The following GNAQ variants were observed in gnomAD, a reference collection of about 807,000 sequenced individuals.
GNAQ encodes G protein subunit alpha q.
In GNAQ, 8 loss-of-function variants were observed where a neutral mutation model predicts 43.9. That is an observed-to-expected ratio of 0.18 (90% confidence interval 0.11 to 0.33). The LOEUF is 0.33. Ranked by LOEUF, GNAQ falls within the 10% of genes least tolerant of loss-of-function variation. The pLI, the probability that GNAQ is intolerant of heterozygous loss-of-function variation, is 1.00. For missense variants in GNAQ, 158 were observed against 450.8 expected, an observed-to-expected ratio of 0.35 and a Z score of 5.88; for synonymous variants, 155 against 170.7, an observed-to-expected ratio of 0.91 and a Z score of 0.71.
chr9:77,865,550 AACC>A (rs1190401213), intron 2 of GNAQ, among the ~76,000 whole-genome samples: 4 of 152,216 alleles, frequency 2.6e-5, no homozygotes, highest in Non-Finnish European at 4.4e-5. Flanking sequence ...CAGCATCACC[AACC>A]ACGTGACAAA....
At chr9:77,871,039 T>C (rs1255793268) in intron 2 of GNAQ, among the ~76,000 whole-genome samples, 2 of 152,206 alleles carry the variant, frequency 1.3e-5, no homozygotes, top group Non-Finnish European at 2.9e-5. Context: ...GGTGGGTGCA[T>C]GGTTCATACA....
At chr9:77,945,940 A>C (rs1257518312) in intron 1 of GNAQ, among the ~76,000 whole-genome samples, 1 of 152,196 alleles carries the variant, frequency 6.6e-6, no homozygotes, top group Non-Finnish European at 1.5e-5. Flanking sequence ...ACTACTTATA[A>C]GGTTGCCACA....
intron 5 of GNAQ, among the ~76,000 whole-genome samples, chr9:77,739,507 T>A (rs767720903): frequency 4.6e-5 from 7 of 152,142 alleles, no homozygotes; most frequent in Non-Finnish European, 8.8e-5. Context: ...AAAGAAGTTA[T>A]TAAGAGAATG....
intron 6 of GNAQ, among the ~76,000 whole-genome samples, chr9:77,725,232 A>T (rs1359242237): frequency 6.6e-6 from 1 of 152,220 alleles, no homozygotes; most frequent in South Asian, 2.1e-4. Context: ...TCACAGCAGG[A>T]GCAGAATTCC....
At chr9:77,974,740 A>G (rs1431750314) in intron 1 of GNAQ, among the ~76,000 whole-genome samples, 6 of 152,222 alleles carry the variant, frequency 3.9e-5, no homozygotes, top group African/African-American at 1.4e-4. Context: ...TAATGAAAAA[A>G]TATGCAAAGG....
chr9:77,783,354 C>T (rs1020823366), intron 5 of GNAQ, among the ~76,000 whole-genome samples: 16 of 152,178 alleles, frequency 1.1e-4, no homozygotes, highest in African/African-American at 3.9e-4. Flanking sequence ...AATGACTGTA[C>T]ATTTCTGTGA....
intron 2 of GNAQ, among the ~76,000 whole-genome samples, chr9:77,833,755 C>T (rs1017706925): frequency 4.6e-5 from 7 of 152,152 alleles, no homozygotes; most frequent in Non-Finnish European, 8.8e-5. Context: ...CATATACACA[C>T]CTTTTTTTAT....
intron 1 of GNAQ, among the ~76,000 whole-genome samples, chr9:78,025,979 T>C (rs1823974519): frequency 6.6e-6 from 1 of 152,164 alleles, no homozygotes; most frequent in Non-Finnish European, 1.5e-5. Context: ...AAAAAATTCA[T>C]GGGTAATAAA....
chr9:78,015,548 T>C (rs571300363), intron 1 of GNAQ, among the ~76,000 whole-genome samples: 142 of 152,312 alleles, frequency 9.3e-4, no homozygotes, highest in Non-Finnish European at 1.7e-3. Context: ...TAAAATTAAA[T>C]AATACACATA....
At chr9:77,920,737 G>T (rs562864578) in intron 2 of GNAQ, among the ~76,000 whole-genome samples, 1 of 152,164 alleles carries the variant, frequency 6.6e-6, no homozygotes, top group Non-Finnish European at 1.5e-5. Context: ...TATTTGTGGA[G>T]GGTCTTTTTG....
chr9:78,002,455 G>A (rs747466373), intron 1 of GNAQ, among the ~76,000 whole-genome samples: 3 of 152,156 alleles, frequency 2.0e-5, no homozygotes, highest in Non-Finnish European at 2.9e-5. Context: ...CTAGCAGACA[G>A]TGGCCTCTCC....
chr9:77,990,371 C>T (rs1327405330), intron 1 of GNAQ, among the ~76,000 whole-genome samples: 3 of 152,142 alleles, frequency 2.0e-5, no homozygotes, highest in Non-Finnish European at 4.4e-5. Context: ...ATGAGCATGC[C>T]ATTATGGCCC....
At chr9:77,939,193 A>G (rs1160009017) in intron 1 of GNAQ, among the ~76,000 whole-genome samples, 1 of 152,256 alleles carries the variant, frequency 6.6e-6, no homozygotes, top group Non-Finnish European at 1.5e-5. Context: ...GGAAGGTTCT[A>G]GAAATGTTGA....
chr9:77,782,650 T>C (rs1826412720), intron 5 of GNAQ, among the ~76,000 whole-genome samples: 1 of 152,224 alleles, frequency 6.6e-6, no homozygotes, highest in Non-Finnish European at 1.5e-5. Flanking sequence ...CTCCTTGGTA[T>C]TTAACCAAAG....
At chr9:77,968,605 C>T (rs112421121) in intron 1 of GNAQ, among the ~76,000 whole-genome samples, 4,318 of 152,328 alleles carry the variant, frequency 0.028, 85 homozygotes, top group Non-Finnish European at 0.043. Context: ...ATTTCCCAGA[C>T]ACTATCTCAA....
intron 1 of GNAQ, among the ~76,000 whole-genome samples, chr9:77,928,223 C>A (rs1362122904): frequency 6.6e-6 from 1 of 152,172 alleles, no homozygotes; most frequent in Non-Finnish European, 1.5e-5. Flanking sequence ...TAAAATCCTG[C>A]ATTTGAAACA....
chr9:77,805,644 T>C (rs540285712), intron 3 of GNAQ, among the ~76,000 whole-genome samples: 1 of 152,194 alleles, frequency 6.6e-6, no homozygotes, highest in African/African-American at 2.4e-5. Context: ...GACCTCGTCA[T>C]CTGCCAACCT....
chr9:77,761,549 G>C (rs1471458905), intron 5 of GNAQ, among the ~76,000 whole-genome samples: 1 of 143,818 alleles, frequency 7.0e-6, no homozygotes, highest in African/African-American at 2.6e-5. Context: ...AGGGAGGTGG[G>C]GGGGTCAGCC....
intron 2 of GNAQ, among the ~76,000 whole-genome samples, chr9:77,892,966 T>C (rs1828428137): frequency 6.6e-6 from 1 of 152,178 alleles, no homozygotes; most frequent in Non-Finnish European, 1.5e-5. Flanking sequence ...GATAACTCTA[T>C]CAAAATGTCA....
Sources: gnomAD v4.1 joint callset for allele counts (sites outside exome capture counted in the v4.1 genomes callset) on GRCh38, gnomAD v4.1.1 for gene constraint, MANE v1.5 for transcripts, NCBI Gene and HGNC (gene_info 2026-07-23, HGNC 2026-07-21) for gene names.